Variants in DLG2 observed in about 807,000 individuals in gnomAD.
DLG2 encodes disks large homolog 2.
DLG2 carries 45 observed loss-of-function variants against 132.5 expected under a neutral mutation model. The observed-to-expected ratio is 0.34, with a 90% CI of 0.27 to 0.44. The LOEUF (loss-of-function observed/expected upper bound fraction) is 0.44. Among genes scored for constraint, DLG2 ranks in the 20% least tolerant of loss-of-function variants. The probability of loss-of-function intolerance (pLI) is 1.00; values close to 1 mark genes in which losing one functional copy is unlikely to be tolerated. For missense variants in DLG2, 1,045 were observed against 1,196.9 expected, an observed-to-expected ratio of 0.87 and a Z score of 1.87; for synonymous variants, 424 against 419.6, an observed-to-expected ratio of 1.01 and a Z score of -0.13.
At chr11:85,561,475 T>A (rs1157333401) in intron 3 of DLG2, among the ~76,000 whole-genome samples, 1 of 150,884 alleles carries the variant, frequency 6.6e-6, no homozygotes, top group Admixed American at 6.6e-5. Flanking sequence ...GAAACTATAT[T>A]CATAATTTTT....
intron 6 of DLG2, among the ~76,000 whole-genome samples, chr11:84,678,399 G>A (rs150122959): frequency 1.3e-5 from 2 of 152,162 alleles, no homozygotes; most frequent in African/African-American, 2.4e-5. Flanking sequence ...ACAACATACG[G>A]ATCTCATTCC....
chr11:85,414,384 C>G (rs1358829335), intron 3 of DLG2, among the ~76,000 whole-genome samples: 1 of 151,928 alleles, frequency 6.6e-6, no homozygotes, highest in African/African-American at 2.4e-5. Context: ...TCTGGATGCC[C>G]TTTATCTCTT....
At chr11:83,772,671 C>A (rs752242815) in intron 18 of DLG2, among the ~76,000 whole-genome samples, 2 of 152,226 alleles carry the variant, frequency 1.3e-5, no homozygotes, top group East Asian at 3.9e-4. Context: ...GGGAAAATAT[C>A]TTTAGGCATG....
chr11:83,884,508 TG>T (rs1254242634), intron 15 of DLG2, among the ~76,000 whole-genome samples: 2 of 152,190 alleles, frequency 1.3e-5, no homozygotes, highest in Admixed American at 6.5e-5. Flanking sequence ...GATCCACCTC[TG>T]GGGGCAGGGC....
At chr11:84,989,009 G>A (rs1162015921) in intron 6 of DLG2, among the ~76,000 whole-genome samples, 1 of 151,842 alleles carries the variant, frequency 6.6e-6, no homozygotes, top group Middle Eastern at 3.4e-3. Flanking sequence ...AAGGTCAGAG[G>A]ATACAAGATA....
chr11:84,705,229 C>G (rs1473698294), intron 6 of DLG2, among the ~76,000 whole-genome samples: 1 of 151,648 alleles, frequency 6.6e-6, no homozygotes, highest in Non-Finnish European at 1.5e-5. Context: ...GACAATGGTG[C>G]TGAGAAGCCC....
At chr11:85,535,219 G>C (rs1040305700) in intron 3 of DLG2, among the ~76,000 whole-genome samples, 1 of 152,052 alleles carries the variant, frequency 6.6e-6, no homozygotes, top group Non-Finnish European at 1.5e-5. Flanking sequence ...TTGCAGTGTG[G>C]TGATGCGGAG....
intron 6 of DLG2, among the ~76,000 whole-genome samples, chr11:84,800,037 A>G (rs1222724250): frequency 1.3e-5 from 2 of 152,166 alleles, no homozygotes; most frequent in Non-Finnish European, 2.9e-5. Flanking sequence ...GTAATACCAA[A>G]CCATCTAGTC....
At chr11:85,472,585 A>G (rs376324763) in intron 3 of DLG2, among the ~76,000 whole-genome samples, 2 of 152,160 alleles carry the variant, frequency 1.3e-5, no homozygotes, top group Non-Finnish European at 2.9e-5. Flanking sequence ...GGCGTGAGCC[A>G]CCACACCCAG....
intron 3 of DLG2, among the ~76,000 whole-genome samples, chr11:85,466,129 C>T (rs1391911143): frequency 6.6e-6 from 1 of 152,174 alleles, no homozygotes; most frequent in Non-Finnish European, 1.5e-5. Context: ...TGTTAATATC[C>T]TTTGCCCACT....
chr11:85,604,547 C>G (rs761255245), intron 2 of DLG2, among the ~76,000 whole-genome samples: 5 of 151,906 alleles, frequency 3.3e-5, no homozygotes, highest in African/African-American at 1.2e-4. Flanking sequence ...TTCAAATAAC[C>G]AAGTGGAGAA....
chr11:85,256,279 G>A (rs12419394), intron 4 of DLG2, among the ~76,000 whole-genome samples: 12,324 of 152,200 alleles, frequency 0.081, 776 homozygotes, highest in East Asian at 0.29. Flanking sequence ...TTCGGCTAGG[G>A]ATGATCGGAG....
rs144301328 is a variant in DLG2, at chr11:85,304,216, T to C, written c.41-18851A>G. On this transcript the variant is annotated intron_variant, in intron 3 of 27. Coordinates refer to ENST00000376104, the MANE Select transcript of DLG2 (RefSeq NM_001142699.3). ...TGGCAAACCAGACAGCAGAGGTACA[T>C]TAATCAAGTTAAATGTTATTGTTCA... Among the ~76,000 whole-genome samples, 39 of 152,252 alleles carry C rather than the reference T, an allele frequency of 2.6e-4. No homozygotes were observed. In the East Asian group the frequency reaches 7.5e-3, roughly 29 times the overall value.
chr11:83,793,703 T>A (rs530821024), intron 17 of DLG2, among the ~76,000 whole-genome samples: 1 of 152,318 alleles, frequency 6.6e-6, no homozygotes, highest in South Asian at 2.1e-4. Context: ...TCCTTTTCTA[T>A]AAAATGAGTA....
In DLG2 at chr11:84,112,383, T is replaced by C. The variant is rs182806439; in HGVS notation, c.625-13336A>G. Among the ~76,000 whole-genome samples, 252 of 150,494 alleles carry C rather than the reference T, an allele frequency of 1.7e-3. 3 individuals are homozygous for C. Among genetic ancestry groups the C allele is most frequent in the African/African-American group, 5.9e-3 (241 of 40,870 alleles). ...TGACTACCACTTTTCATTCCAGAAG[T>C]ATAATTTTCTCACTTTCTCTCAAAT... On this transcript the variant is annotated intron_variant, in intron 9 of 27. Transcript: ENST00000376104.
At chr11:85,319,230 TA>T (rs944654264) in intron 3 of DLG2, among the ~76,000 whole-genome samples, 8 of 151,722 alleles carry the variant, frequency 5.3e-5, no homozygotes, top group African/African-American at 1.4e-4. Flanking sequence ...TTAGAAACAA[TA>T]AAAAAAATTC....
At chr11:83,777,726 C>T (rs553467678) in intron 18 of DLG2, among the ~76,000 whole-genome samples, 34 of 152,224 alleles carry the variant, frequency 2.2e-4, no homozygotes, top group African/African-American at 7.2e-4. Flanking sequence ...GCAAATTACA[C>T]AGATACAGAT....
At chr11:83,735,233 T>G (rs1414532541) in intron 18 of DLG2, among the ~76,000 whole-genome samples, 1 of 152,186 alleles carries the variant, frequency 6.6e-6, no homozygotes, top group Non-Finnish European at 1.5e-5. Flanking sequence ...AGGTACGTAT[T>G]TTAAAATGTA....
At chr11:85,160,503 C>T (rs750068864) in intron 4 of DLG2, among the ~76,000 whole-genome samples, 1 of 152,158 alleles carries the variant, frequency 6.6e-6, no homozygotes, top group South Asian at 2.1e-4. Flanking sequence ...GGAAACTGAA[C>T]GTTTGACTAT....
Sources: gnomAD v4.1 joint callset for allele counts (sites outside exome capture counted in the v4.1 genomes callset) on GRCh38, gnomAD v4.1.1 for gene constraint, MANE v1.5 for transcripts, NCBI Gene and HGNC (gene_info 2026-07-23, HGNC 2026-07-21) for gene names.